The following NYAP2 variants were observed in gnomAD, a reference collection of about 807,000 sequenced individuals.
NYAP2 encodes neuronal tyrosine-phosphorylated phosphoinositide-3-kinase adapter 2.
A neutral mutation model predicts 50.4 loss-of-function variants in NYAP2; 23 were observed. The ratio of observed to expected loss-of-function variants is 0.46; its 90% confidence interval spans 0.33 to 0.65. The LOEUF (loss-of-function observed/expected upper bound fraction) is 0.65. NYAP2 is among the 30% of genes least tolerant of loss of function. The pLI is 0.02. For synonymous variants in NYAP2, 394 were observed against 365.2 expected, an observed-to-expected ratio of 1.08 and a Z score of -0.90; for missense variants, 885 against 861.0, an observed-to-expected ratio of 1.03 and a Z score of -0.35.
intron 2 of NYAP2, among the ~76,000 whole-genome samples, chr2:225,406,080 C>T (rs1418274213): frequency 6.6e-6 from 1 of 151,644 alleles, no homozygotes; most frequent in Non-Finnish European, 1.5e-5. Flanking sequence ...TAACTCAATA[C>T]TCACAACAAG....
chr2:225,449,578 C>A (rs1047442911), intron 3 of NYAP2, among the ~76,000 whole-genome samples: 1 of 150,612 alleles, frequency 6.6e-6, no homozygotes, highest in African/African-American at 2.4e-5. Flanking sequence ...CCAAGGAAAC[C>A]AGATCTCTCT....
chr2:225,404,038 T>C (rs1188595593), intron 2 of NYAP2, among the ~76,000 whole-genome samples: 1 of 152,020 alleles, frequency 6.6e-6, no homozygotes, highest in Admixed American at 6.6e-5. Context: ...AACAGTATCT[T>C]GGAATTAATC....
intron 3 of NYAP2, among the ~76,000 whole-genome samples, chr2:225,458,014 T>A (rs1689766819): frequency 6.6e-6 from 1 of 152,120 alleles, no homozygotes; most frequent in Admixed American, 6.6e-5. Flanking sequence ...CCTTATTCTT[T>A]AGTTACCTGG....
upstream of NYAP2, among the ~76,000 whole-genome samples, chr2:225,398,720 C>A (rs114425597): frequency 6.6e-6 from 1 of 152,098 alleles, no homozygotes; most frequent in Non-Finnish European, 1.5e-5. Flanking sequence ...GTTTGTATTT[C>A]TCCTCCTTTT....
At chr2:225,620,487 G>C (rs562841261) in intron 5 of NYAP2, among the ~76,000 whole-genome samples, 1 of 148,530 alleles carries the variant, frequency 6.7e-6, no homozygotes, top group African/African-American at 2.5e-5. Context: ...ACGCACGCAC[G>C]CACACACACG....
intron 5 of NYAP2, among the ~76,000 whole-genome samples, chr2:225,616,057 G>A (rs1036895147): frequency 6.6e-6 from 1 of 152,186 alleles, no homozygotes; most frequent in Non-Finnish European, 1.5e-5. Flanking sequence ...TTTTACACCT[G>A]TAAAGTGATT....
At chr2:225,476,525 C>T (rs1050170218) in intron 3 of NYAP2, among the ~76,000 whole-genome samples, 1 of 151,976 alleles carries the variant, frequency 6.6e-6, no homozygotes, top group African/African-American at 2.4e-5. Context: ...CTTTAACAGG[C>T]TTTTAAAACA....
intron 3 of NYAP2, among the ~76,000 whole-genome samples, chr2:225,499,816 G>C (rs753788503): frequency 6.6e-6 from 1 of 152,134 alleles, no homozygotes. Flanking sequence ...ATGAATGAAT[G>C]ATTTAGTAAA....
intron 6 of NYAP2, among the ~76,000 whole-genome samples, chr2:225,636,467 C>T (rs1407922905): frequency 2.1e-5 from 3 of 144,478 alleles, no homozygotes; most frequent in African/African-American, 7.7e-5. Flanking sequence ...TAATCATGCC[C>T]TTGGTAATGT....
chr2:225,633,259 C>A (rs1228734397), intron 6 of NYAP2, among the ~76,000 whole-genome samples: 2 of 152,116 alleles, frequency 1.3e-5, no homozygotes, highest in Non-Finnish European at 2.9e-5. Context: ...CATATATAGG[C>A]AAACAGGGTT....
chr2:225,611,880 A>G (rs1394033941), intron 5 of NYAP2, among the ~76,000 whole-genome samples: 5 of 137,766 alleles, frequency 3.6e-5, no homozygotes, highest in African/African-American at 1.6e-4. Context: ...ATATATATGT[A>G]TATATATGTG....
intron 4 of NYAP2, among the ~76,000 whole-genome samples, chr2:225,520,622 A>G (rs1445836613): frequency 1.3e-5 from 2 of 152,096 alleles, no homozygotes; most frequent in Non-Finnish European, 2.9e-5. Flanking sequence ...GTTCTGTTCC[A>G]TTGATCTATA....
At chr2:225,665,807 T>TAAAA in the NYAP2 span, among the ~76,000 whole-genome samples, 642 of 20,992 alleles carry the variant, frequency 0.031, 229 homozygotes, top group Admixed American at 0.059. Flanking sequence ...AGCCTCCGTC[T>TAAAA]AAAAAAAAAA....
At chr2:225,558,720 C>T (rs1404152446) in intron 4 of NYAP2, among the ~76,000 whole-genome samples, 1 of 152,166 alleles carries the variant, frequency 6.6e-6, no homozygotes, top group African/African-American at 2.4e-5. Flanking sequence ...TGGACATTTT[C>T]GGGGGGTGCC....
chr2:225,403,870 C>T (rs1299353405), intron 2 of NYAP2, among the ~76,000 whole-genome samples: 1 of 151,966 alleles, frequency 6.6e-6, no homozygotes. Flanking sequence ...CCATTCTAGT[C>T]AGTCCTTATA....
At chr2:225,423,162 CGAAGCCT>C (rs1695240837) in intron 3 of NYAP2, among the ~76,000 whole-genome samples, 1 of 152,026 alleles carries the variant, frequency 6.6e-6, no homozygotes, top group South Asian at 2.1e-4. Context: ...GGTGAAAACA[CGAAGCCT>C]CTGCAGTTAT....
At chr2:225,677,856 G>T in the NYAP2 span, among the ~76,000 whole-genome samples, 2 of 152,078 alleles carry the variant, frequency 1.3e-5, no homozygotes, top group African/African-American at 2.4e-5. Flanking sequence ...GATCATCAGG[G>T]ATATTGGCAT....
At chr2:225,448,615 G>C (rs1289066256) in intron 3 of NYAP2, among the ~76,000 whole-genome samples, 1 of 152,170 alleles carries the variant, frequency 6.6e-6, no homozygotes, top group Non-Finnish European at 1.5e-5. Flanking sequence ...TCTTGTGGCT[G>C]TGCCTGTCTG....
chr2:225,550,939 G>A (rs1172491306), intron 4 of NYAP2, among the ~76,000 whole-genome samples: 1 of 152,176 alleles, frequency 6.6e-6, no homozygotes, highest in East Asian at 1.9e-4. Context: ...TGTGTGCAAT[G>A]GAGAGCAGCT....
Sources: gnomAD v4.1 joint callset for allele counts (sites outside exome capture counted in the v4.1 genomes callset) on GRCh38, gnomAD v4.1.1 for gene constraint, MANE v1.5 for transcripts, NCBI Gene and HGNC (gene_info 2026-07-23, HGNC 2026-07-21) for gene names.